Variants in HMSD observed in about 807,000 individuals in gnomAD.
The protein encoded by HMSD is serpin-like protein HMSD.
In HMSD, 13 loss-of-function variants were observed where a neutral mutation model predicts 10.0. That is an observed-to-expected ratio of 1.31 (90% confidence interval 0.85 to 2.08). The LOEUF is 2.08. Ranked by LOEUF, HMSD falls within the 30% of genes most tolerant of loss-of-function variation. The pLI, the probability that HMSD is intolerant of heterozygous loss-of-function variation, is 0.00. For missense variants in HMSD, 169 were observed against 166.3 expected, an observed-to-expected ratio of 1.02 and a Z score of -0.09; for synonymous variants, 51 against 54.2, an observed-to-expected ratio of 0.94 and a Z score of 0.26.
chr18:63,950,301 A>G (rs2144753997), intron 1 of HMSD, among the ~76,000 whole-genome samples: 1 of 151,310 alleles, frequency 6.6e-6, no homozygotes, highest in Non-Finnish European at 1.5e-5. Context: ...CTGTAGTCCC[A>G]GCTACTCAGG....
chr18:63,950,756 A>G (rs566331548), intron 1 of HMSD, among the ~76,000 whole-genome samples: 1 of 152,256 alleles, frequency 6.6e-6, no homozygotes, highest in East Asian at 1.9e-4. Context: ...CAAAATCCCA[A>G]TGTAGGACCA....
chr18:63,968,673 G>T (rs1397998032), intron 3 of HMSD: 1 of 152,258 alleles, frequency 6.6e-6, no homozygotes, highest in Non-Finnish European at 1.5e-5. Context: ...GGTCAAAGAG[G>T]AAAAGGAGTG....
In HMSD at chr18:63,960,549, C is replaced by A; in HGVS notation, c.*194C>A. On this transcript the variant is annotated 3_prime_UTR_variant, in exon 4 of 4. Coordinates refer to ENST00000408945, the MANE Select transcript of HMSD (RefSeq NM_001123366.2). ...AGGTAGTTTTTCTTTTCACAAATAG[C>A]GTTAAAATTTGAATTTAAAAATTTC... 1.3e-6 allele frequency: 1 copy of A among 786,658 alleles called. No individual in the cohort carries two copies. 48.7% of individuals were successfully genotyped at this position (786,658 alleles called of 1,614,324 possible).
At chr18:63,952,261 T>G (rs895925234) in intron 1 of HMSD, among the ~76,000 whole-genome samples, 1 of 150,264 alleles carries the variant, frequency 6.7e-6, no homozygotes, top group Non-Finnish European at 1.5e-5. Flanking sequence ...AATGTGCACA[T>G]GTACCCTAAA....
intron 1 of HMSD, among the ~76,000 whole-genome samples, chr18:63,950,623 C>A (rs2144754525): frequency 6.6e-6 from 1 of 151,768 alleles, no homozygotes; most frequent in Middle Eastern, 3.4e-3. Context: ...ACTTTGAAAG[C>A]CAACTTGTGG....
At chr18:63,959,134 C>T (rs72943564) in intron 3 of HMSD, among the ~76,000 whole-genome samples, 9,124 of 152,140 alleles carry the variant, frequency 0.06, 358 homozygotes, top group African/African-American at 0.089. Flanking sequence ...CTACCTTGGC[C>T]GGTTAGGAAT....
rs760788825 is a variant in HMSD, at chr18:63,960,186, A to C, written c.251A>C (p.Tyr84Ser). 1 of 1,612,666 alleles carries C rather than the reference A, an allele frequency of 6.2e-7. No individual in the cohort carries two copies. The highest frequency in any genetic ancestry group is 1.1e-5 in the South Asian group (1 of 90,400). ...TTTACAGATTCCTGTGGCAAATTCT[A>C]CCAAGCAACGATAAAACAGCTAGAC... ...TGFTDSCGKF[Y>S]QATIKQLDFV... The change falls in exon 4 of 4, where the codon TAC becomes TCC. Residue 84 changes from tyrosine (Y) to serine (S), a missense_variant. Physicochemically the swap from Tyr to Ser is moderately radical, Grantham distance 144. Coordinates refer to ENST00000408945, the MANE Select transcript of HMSD (RefSeq NM_001123366.2).
chr18:63,961,668 CT>C lies in HMSD; in HGVS notation c.*1314del, dbSNP rs942937909. 2.0e-5 allele frequency: 3 copies of C among 152,358 alleles called. No individual in the cohort carries two copies. Among genetic ancestry groups the C allele is most frequent in the Admixed American group, 1.3e-4 (2 of 15,292 alleles). The allele number at this position is 152,358 out of a possible 1,614,324, so 9.4% of individuals were successfully genotyped here. A position where few individuals can be genotyped will look rare whatever the true frequency, so the allele number is the denominator to read the frequency against. On this transcript the variant is annotated 3_prime_UTR_variant, in exon 4 of 4. Coordinates refer to ENST00000408945, the MANE Select transcript of HMSD (RefSeq NM_001123366.2). ...AATTATTCAAACAAGCCTGTCACAT[CT>C]GGAGGAGCCAGGAATCGCCTCTTCC...
chr18:63,969,113 G>A (rs528324998), intron 3 of HMSD, among the ~76,000 whole-genome samples: 3 of 152,308 alleles, frequency 2.0e-5, no homozygotes, highest in African/African-American at 7.2e-5. Flanking sequence ...TGAAAGACAA[G>A]CTTGCATGCC....
At chr18:63,964,487 C>T (rs747243386), downstream of HMSD, among the ~76,000 whole-genome samples, 1 of 152,150 alleles carries the variant, frequency 6.6e-6, no homozygotes, top group African/African-American at 2.4e-5. Flanking sequence ...CTGCAGTGAA[C>T]CAAGATCATG....
downstream of HMSD, among the ~76,000 whole-genome samples, chr18:63,964,325 T>C (rs2050401797): frequency 6.6e-6 from 1 of 151,982 alleles, no homozygotes; most frequent in Non-Finnish European, 1.5e-5. Flanking sequence ...TTAGAGACCA[T>C]CCTGGCCAAC....
chr18:63,963,057 T>G (rs191042962), downstream of HMSD, among the ~76,000 whole-genome samples: 4,675 of 131,010 alleles, frequency 0.036, 165 homozygotes, highest in Non-Finnish European at 0.049. Context: ...TTTCTTTCTT[T>G]CTTTCTTTTC....
rs1399308610 is a variant in HMSD, at chr18:63,960,858, A to G, written c.*503A>G. ...TACTTAGCTTCAGGGAGAGAATGAGACTGAAGATTACAAGGAGACATCCAC... is the reference window on the plus strand; with the variant it reads ...TACTTAGCTTCAGGGAGAGAATGAGGCTGAAGATTACAAGGAGACATCCAC... On this transcript the variant is annotated 3_prime_UTR_variant, in exon 4 of 4. Coordinates refer to ENST00000408945, the MANE Select transcript of HMSD (RefSeq NM_001123366.2). The G allele has an allele frequency of 6.5e-6, 1 of 154,498 alleles. No individual in the cohort carries two copies. Among genetic ancestry groups the G allele is most frequent in the African/African-American group, 2.4e-5 (1 of 41,442 alleles). 9.6% of individuals were successfully genotyped at this position (154,498 alleles called of 1,614,324 possible). A position where few individuals can be genotyped will look rare whatever the true frequency, so the allele number is the denominator to read the frequency against.
intron 3 of HMSD, among the ~76,000 whole-genome samples, chr18:63,967,779 T>A (rs1231224736): frequency 6.6e-6 from 1 of 152,100 alleles, no homozygotes; most frequent in Non-Finnish European, 1.5e-5. Context: ...AGGCACTGAA[T>A]TATATACTCT....
At chr18:63,966,672 A>C (rs2050410983), downstream of HMSD, 1 of 152,232 alleles carries the variant, frequency 6.6e-6, no homozygotes, top group Non-Finnish European at 1.5e-5. Context: ...TATTTATTTC[A>C]ATTAAACTCT....
chr18:63,968,602 G>A (rs1417754509), intron 3 of HMSD: 1 of 152,224 alleles, frequency 6.6e-6, no homozygotes, highest in Non-Finnish European at 1.5e-5. Context: ...AAACCACCAG[G>A]CATTTGCTGG....
downstream of HMSD, among the ~76,000 whole-genome samples, chr18:63,963,079 T>TTCTTTTCTTTC (rs1568261270): frequency 4.6e-4 from 23 of 50,012 alleles, no homozygotes; most frequent in African/African-American, 1.4e-3. Context: ...TTCTCTTTCT[T>TTCTTTTCTTTC]TCTTTCTTTC....
chr18:63,960,147 GT>G lies in HMSD; in HGVS notation c.223-6del, dbSNP rs750865752. On this transcript the variant is annotated splice_polypyrimidine_tract_variant and intron_variant, in intron 3 of 3. Coordinates refer to ENST00000408945, the MANE Select transcript of HMSD (RefSeq NM_001123366.2). The stretch of plus-strand genomic sequence containing the variant: ...CTGTAGCTGTGAAATTATGTTTTTG[GT>G]TTTTCCTAGGGTTTTACAGATTCCT... 6.2e-7 allele frequency: 1 copy of G among 1,606,724 alleles called. No individual in the cohort carries two copies. The highest frequency in any genetic ancestry group is 8.5e-7 in the Non-Finnish European group (1 of 1,178,212).
chr18:63,951,980 T>A (rs1043431179), intron 1 of HMSD, among the ~76,000 whole-genome samples: 3 of 151,942 alleles, frequency 2.0e-5, no homozygotes, highest in African/African-American at 7.3e-5. Flanking sequence ...TGAGTTCATG[T>A]CCTTTGTAGG....
Sources: gnomAD v4.1 joint callset for allele counts (sites outside exome capture counted in the v4.1 genomes callset) on GRCh38, gnomAD v4.1.1 for gene constraint, MANE v1.5 for transcripts, NCBI Gene and HGNC (gene_info 2026-07-23, HGNC 2026-07-21) for gene names.